Variants in HTR4 observed in about 807,000 individuals in gnomAD.
HTR4 encodes the protein 5-hydroxytryptamine receptor 4, also known as 5-hydroxytryptamine (serotonin) receptor 4, G protein-coupled.
Under a neutral mutation model 36.8 loss-of-function variants are expected in HTR4, and 16 were observed. That is an observed-to-expected ratio of 0.43 (90% CI 0.29 to 0.66). The LOEUF is 0.66. Ranked by LOEUF, HTR4 falls within the 30% of genes least tolerant of loss-of-function variation. HTR4 has a pLI of 0.13. For synonymous variants in HTR4, 189 were observed against 185.1 expected, an observed-to-expected ratio of 1.02 and a Z score of -0.17; for missense variants, 438 against 490.9, an observed-to-expected ratio of 0.89 and a Z score of 1.02.
intron 4 of HTR4, among the ~76,000 whole-genome samples, chr5:148,536,395 T>C (rs1758826547): frequency 6.6e-6 from 1 of 151,362 alleles, no homozygotes; most frequent in African/African-American, 2.4e-5. Flanking sequence ...ACATTAACCA[T>C]GAATGTAAAT....
At chr5:148,599,608 A>G (rs1465226297) in intron 2 of HTR4, among the ~76,000 whole-genome samples, 1 of 152,128 alleles carries the variant, frequency 6.6e-6, no homozygotes, top group East Asian at 1.9e-4. Flanking sequence ...CATCATATCT[A>G]GTACTGGTAA....
chr5:148,486,278 TAA>T (rs912973329), intron 6 of HTR4, among the ~76,000 whole-genome samples: 35 of 151,404 alleles, frequency 2.3e-4, no homozygotes, highest in African/African-American at 7.0e-4. Context: ...TCATGCATGA[TAA>T]AAAAAAATGT....
intron 2 of HTR4, among the ~76,000 whole-genome samples, chr5:148,570,957 C>A (rs1760651917): frequency 6.6e-6 from 1 of 151,968 alleles, no homozygotes; most frequent in African/African-American, 2.4e-5. Context: ...GGCACCATCT[C>A]CTAGGGGATG....
At chr5:148,524,678 T>C (rs10055487) in intron 4 of HTR4, among the ~76,000 whole-genome samples, 23,608 of 152,068 alleles carry the variant, frequency 0.16, 3,351 homozygotes, top group African/African-American at 0.37. Context: ...GAGTACAAAA[T>C]AGAAATGCAA....
At chr5:148,646,354 T>C (rs1013949339) in intron 1 of HTR4, 19 of 152,248 alleles carry the variant, frequency 1.2e-4, no homozygotes, top group African/African-American at 4.6e-4. Context: ...TGTTTACCTC[T>C]GCTGTCCTCA....
intron 2 of HTR4, among the ~76,000 whole-genome samples, chr5:148,632,897 T>C (rs982008514): frequency 1.3e-5 from 2 of 152,106 alleles, no homozygotes; most frequent in African/African-American, 4.8e-5. Context: ...CTGAATTAAG[T>C]AGGGTGAGGC....
chr5:148,550,556 T>C (rs1406212982), intron 2 of HTR4, among the ~76,000 whole-genome samples: 1 of 152,192 alleles, frequency 6.6e-6, no homozygotes. Flanking sequence ...CATTCAGACA[T>C]ATGTAGTTGA....
chr5:148,477,026 G>A (rs926667473), downstream of HTR4, among the ~76,000 whole-genome samples: 2 of 152,180 alleles, frequency 1.3e-5, no homozygotes, highest in South Asian at 2.1e-4. Context: ...AACTCTAACA[G>A]TGGACTTACA....
At chr5:148,508,058 G>A (rs993594890) in intron 6 of HTR4, among the ~76,000 whole-genome samples, 3 of 152,092 alleles carry the variant, frequency 2.0e-5, no homozygotes, top group Non-Finnish European at 2.9e-5. Flanking sequence ...GCCTACACTT[G>A]TAGCAAAAAA....
At position 148,510,639 on chromosome 5, in the gene HTR4, G is replaced by GT. The variant is rs777831195; in HGVS notation, c.508-616dup. Among the ~76,000 whole-genome samples the GT allele has an allele frequency of 5.3e-5, 8 of 152,238 alleles. No individual in the cohort carries two copies. In the East Asian group the frequency reaches 5.8e-4, roughly 11 times the overall value. On this transcript the variant is annotated intron_variant, in intron 5 of 6. Coordinates refer to ENST00000377888, the MANE Select transcript of HTR4 (RefSeq NM_000870.7). ...GCTCAGATATATGCATTTTAAGCAA[G>GT]TTTTTTCCAATAACTCTAAAGCTCA...
rs1357425318 is a variant in HTR4, at chr5:148,481,966, A to G, written c.*1237T>C. On this transcript the variant is annotated 3_prime_UTR_variant, in exon 7 of 7. Coordinates refer to ENST00000377888, the MANE Select transcript of HTR4 (RefSeq NM_000870.7). Reference sequence around the variant, plus strand: ...TGGCTTCTCGAGGTAGCAGACGGCTATAGCAGCATACTGTTGTCTTAGAAA... The same window carrying G: ...TGGCTTCTCGAGGTAGCAGACGGCTGTAGCAGCATACTGTTGTCTTAGAAA... The G allele has an allele frequency of 4.8e-6, 5 of 1,051,506 alleles. No individual in the cohort carries two copies. Among genetic ancestry groups the G allele is most frequent in the Non-Finnish European group, 5.7e-6 (5 of 873,400 alleles). The allele number at this position is 1,051,506 out of a possible 1,614,324, so 65.1% of individuals were successfully genotyped here. A position where few individuals can be genotyped will look rare whatever the true frequency, so the allele number is the denominator to read the frequency against.
rs539050954 is a variant in HTR4, at chr5:148,482,941, C to T, written c.*262G>A. 9 of 1,354,816 alleles carry T rather than the reference C, an allele frequency of 6.6e-6. 1 individual carries two copies. In the South Asian group the frequency reaches 1.4e-4, roughly 22 times the overall value. 83.9% of individuals were successfully genotyped at this position (1,354,816 alleles called of 1,614,324 possible). A position where few individuals can be genotyped will look rare whatever the true frequency, so the allele number is the denominator to read the frequency against. On this transcript the variant is annotated 3_prime_UTR_variant, in exon 7 of 7. Transcript: ENST00000377888. ...GGAACATGTCAGAGACACCAGAGAC[C>T]ACGCGGCAAAAGCAGAGAATCTGGG...
At chr5:148,537,939 C>A (rs1030152047) in intron 4 of HTR4, among the ~76,000 whole-genome samples, 1 of 151,056 alleles carries the variant, frequency 6.6e-6, no homozygotes, top group Non-Finnish European at 1.5e-5. Flanking sequence ...AACAAGAAGT[C>A]AGGCCAGTAT....
chr5:148,452,717 T>G (rs954177123), intron 5 of HTR4, among the ~76,000 whole-genome samples: 1 of 152,102 alleles, frequency 6.6e-6, no homozygotes, highest in Non-Finnish European at 1.5e-5. Flanking sequence ...GCAGCTGTTG[T>G]TGAGAGAGAG....
chr5:148,495,187 T>C (rs1378221075), intron 6 of HTR4, among the ~76,000 whole-genome samples: 2 of 152,210 alleles, frequency 1.3e-5, no homozygotes, highest in African/African-American at 4.8e-5. Context: ...AATTTATAAA[T>C]AGTCTGTTCT....
intron 5 of HTR4, among the ~76,000 whole-genome samples, chr5:148,517,710 CACTGAGGTTGGAGT>C (rs1757825688): frequency 6.6e-6 from 1 of 152,050 alleles, no homozygotes; most frequent in Non-Finnish European, 1.5e-5. Flanking sequence ...CGATTGTTAT[CACTGAGGTTGGAGT>C]ACCATTGTCT....
At chr5:148,627,669 C>A (rs993216975) in intron 2 of HTR4, among the ~76,000 whole-genome samples, 1 of 152,202 alleles carries the variant, frequency 6.6e-6, no homozygotes, top group Non-Finnish European at 1.5e-5. Flanking sequence ...AAAGATTCTT[C>A]TTACATTCTT....
chr5:148,462,449 A>T (rs1365231053), intron 5 of HTR4, among the ~76,000 whole-genome samples: 1 of 152,108 alleles, frequency 6.6e-6, no homozygotes, highest in African/African-American at 2.4e-5. Flanking sequence ...TGAAAGACAC[A>T]TTCTGCTAAT....
At chr5:148,569,889 A>G (rs575222542) in intron 2 of HTR4, among the ~76,000 whole-genome samples, 1 of 152,216 alleles carries the variant, frequency 6.6e-6, no homozygotes, top group East Asian at 1.9e-4. Context: ...AGACTTCTTC[A>G]TTCAGAATAT....
Sources: allele counts gnomAD v4.1 joint callset (sites outside exome capture counted in the v4.1 genomes callset), GRCh38; gene constraint gnomAD v4.1.1; transcripts MANE v1.5; gene names NCBI Gene and HGNC (gene_info 2026-07-23, HGNC 2026-07-21).